The following COL16A1 variants were observed in gnomAD, a reference collection of about 807,000 sequenced individuals.
COL16A1 encodes collagen alpha-1(XVI) chain.
In COL16A1, 189 loss-of-function variants were observed where a neutral mutation model predicts 266.3. The ratio of observed to expected loss-of-function variants is 0.71; its 90% CI spans 0.63 to 0.80. The LOEUF is 0.80. COL16A1 is among the 30% of genes least tolerant of loss of function. COL16A1 has a pLI of 0.00. For synonymous variants in COL16A1, 740 were observed against 782.3 expected, an observed-to-expected ratio of 0.95 and a Z score of 0.90; for missense variants, 1,928 against 2,122.4, an observed-to-expected ratio of 0.91 and a Z score of 1.80.
chr1:31,663,884 GCATTCT>G lies in COL16A1; in HGVS notation c.3556-1232_3556-1227del, dbSNP rs1641898858. ...AAGCAGCATAGCGGGGAAGGTGGCT[GCATTCT>G]CCCAGTGTGGAGAGGGTGGCTGCCC... is the stretch of plus-strand genomic sequence containing the variant. On this transcript the variant is annotated intron_variant, in intron 56 of 70. Coordinates refer to ENST00000373672, the MANE Select transcript of COL16A1 (RefSeq NM_001856.4). This position sits in a 1 kb window ranked among gnomAD's most constrained non-coding sequence, Gnocchi z 4.9. 1.3e-5 allele frequency among the ~76,000 whole-genome samples: 2 copies of G among 152,288 alleles called. No homozygotes were observed. The highest frequency in any genetic ancestry group is 4.1e-4 in the South Asian group (2 of 4,824).
intron 8 of COL16A1, 97 bp downstream of exon 8, chr1:31,696,866 G>A: frequency 6.3e-7 from 1 of 1,579,690 alleles, no homozygotes; most frequent in Non-Finnish European, 8.6e-7. Context: ...CTGGGCCCAT[G>A]GCCAACTGAC....
rs771218539 is a variant in COL16A1 at position 31,697,991 on chromosome 1, G to C, written c.572C>G (p.Ser191Cys). 6.2e-7 allele frequency: 1 copy of C among 1,613,512 alleles called. No homozygotes were observed. The highest frequency in any genetic ancestry group is 8.5e-7 in the Non-Finnish European group (1 of 1,180,032). Residue 191 changes from serine (S) to cysteine (C), a missense_variant, in exon 6 of 71, where the codon TCC becomes TGC. Transcript: ENST00000373672. This position sits in a 1 kb window ranked among gnomAD's most constrained non-coding sequence, Gnocchi z 4.2. Reference protein sequence around the residue: ...SVHVDCSSASSQPLGPRRPMR... With the variant: ...SVHVDCSSASCQPLGPRRPMR... ...GGGTCGTCGGGGCCCCAGAGGCTGG[G>C]AGGAGGCTGAGCTGCAGTCCACGTG...
intron 16 of COL16A1, 110 bp downstream of exon 16, chr1:31,692,364 T>A: frequency 1.4e-6 from 2 of 1,477,206 alleles, no homozygotes; most frequent in Non-Finnish European, 1.8e-6. Flanking sequence ...TCCTGCCAGC[T>A]CTGTGCCCAC....
At chr1:31,681,169 G>A (rs143575797) in intron 37 of COL16A1, 102 bp from the exon 38 acceptor site, 21 of 1,463,428 alleles carry the variant, frequency 1.4e-5, no homozygotes, top group South Asian at 1.3e-4. Flanking sequence ...GCAGCGCCAG[G>A]TTCCCCTGGA....
At position 31,688,460 on chromosome 1, in the gene COL16A1, G is replaced by A. The variant is rs1318591269; in HGVS notation, c.1803+7C>T. 3.7e-6 allele frequency: 6 copies of A among 1,613,840 alleles called. No individual in the cohort carries two copies. The highest frequency in any genetic ancestry group is 5.1e-6 in the Non-Finnish European group (6 of 1,180,006). ...CCAGTGTCCCTGACATCTAACCCAG[G>A]TCTCACCTTCTCTCCTTTCAGCCCT... On this transcript the variant is annotated splice_region_variant and intron_variant, in intron 26 of 70. Coordinates refer to ENST00000373672, the MANE Select transcript of COL16A1 (RefSeq NM_001856.4). This position sits in a 1 kb window ranked among gnomAD's most constrained non-coding sequence, Gnocchi z 4.9.
At position 31,685,640 on chromosome 1, in the gene COL16A1, T is replaced by C; in HGVS notation, c.2015A>G (p.Gln672Arg). 1 of 1,610,448 alleles carries C rather than the reference T, an allele frequency of 6.2e-7. No individual in the cohort carries two copies. Among genetic ancestry groups the C allele is most frequent in the South Asian group, 1.1e-5 (1 of 90,992 alleles). The change falls in exon 29 of 71, where the codon CAG becomes CGG. Residue 672 changes from glutamine to arginine, a missense_variant and splice_region_variant. Transcript: ENST00000373672. The surrounding 1 kb of genome is among the most constrained non-coding windows in gnomAD (Gnocchi z 4.0). ...GCCCCTGCCTATATCCCACCTCACC[T>C]GTTTTCCTGGCAAGCCAAAGCCTGG... ...GPPGFGLPGK[Q>R]GKAGERGLKG...
At chr1:31,690,323 G>C (rs1241438171) in intron 22 of COL16A1, 44 bp downstream of exon 22, 1 of 1,611,954 alleles carries the variant, frequency 6.2e-7, no homozygotes, top group African/African-American at 1.3e-5. Flanking sequence ...CAGAAAGGGG[G>C]TCCCGTTCCC....
chr1:31,666,499 G>T (rs1204572423), intron 52 of COL16A1: 1 of 239,284 alleles, frequency 4.2e-6, no homozygotes, highest in Non-Finnish European at 8.1e-6. Context: ...CTCATCTTCC[G>T]CCTTGCTCAG....
chr1:31,696,049 T>G (rs1434523696), intron 9 of COL16A1, 39 bp downstream of exon 9: 1 of 1,568,350 alleles, frequency 6.4e-7, no homozygotes, highest in Non-Finnish European at 8.8e-7. Context: ...GAGGGCAGAC[T>G]GAGGGCAGGT....
chr1:31,667,533 C>T (rs1273828181), intron 52 of COL16A1, 42 bp downstream of exon 52: 5 of 1,532,448 alleles, frequency 3.3e-6, no homozygotes, highest in Non-Finnish European at 2.7e-6. Context: ...TGTGTGGCTC[C>T]ACGTGCAGCC....
intron 33 of COL16A1, 75 bp from the exon 34 acceptor site, chr1:31,683,823 C>T (rs1248235760): frequency 4.7e-5 from 76 of 1,610,134 alleles, no homozygotes; most frequent in Admixed American, 8.4e-5. Flanking sequence ...GCCCCTTCTC[C>T]TCCAGCTTCT....
intron 49 of COL16A1, chr1:31,669,734 A>G (rs7525091): frequency 0.98 from 148,849 of 152,312 alleles, 72,833 homozygotes; most frequent in East Asian, 1. Flanking sequence ...CCAGGAACAC[A>G]AAACCTGACA....
In COL16A1 at chr1:31,699,870, T is replaced by A. The variant is rs1056558666; in HGVS notation, c.209A>T (p.Asn70Ile). Reference sequence around the variant, plus strand: ...GCGCAGGATGAGAGGCCCCTTGGGGTTGCGGATCTTCTTGATGGCAGACGT... The same window carrying A: ...GCGCAGGATGAGAGGCCCCTTGGGGATGCGGATCTTCTTGATGGCAGACGT... The part of the protein sequence containing the change: ...MKTSAIKKIR[N>I]PKGPLILRLG... Residue 70 changes from asparagine (N) to isoleucine (I), a missense_variant, in exon 4 of 71, where the codon AAC (asparagine) becomes ATC (isoleucine). Coordinates refer to ENST00000373672, the MANE Select transcript of COL16A1 (RefSeq NM_001856.4). The A allele has an allele frequency of 3.7e-6, 6 of 1,613,886 alleles. No homozygotes were observed. The highest frequency in any genetic ancestry group is 5.1e-6 in the Non-Finnish European group (6 of 1,179,982).
Position 31,686,150 on chromosome 1 carries a change from G to A in COL16A1, c.1840-15C>T, listed in dbSNP as rs543526932. ...CCTGGTGGCCCCTGCATGTTAAGAC[G>A]CTACAGGTAATGCCCAGCATCTGCC... On this transcript the variant is annotated splice_polypyrimidine_tract_variant and intron_variant, in intron 27 of 70. Transcript: ENST00000373672. 1.8e-5 allele frequency: 29 copies of A among 1,613,888 alleles called. No homozygotes were observed. The South Asian group carries it at 1.9e-4, about 10-fold the overall frequency.
intron 70 of COL16A1, 32 bp downstream of exon 70, chr1:31,653,567 G>T: frequency 5.0e-6 from 8 of 1,605,908 alleles, no homozygotes; most frequent in Non-Finnish European, 6.8e-6. Context: ...TGCTGCTCTG[G>T]ATTCATGGTC....
At position 31,657,179 on chromosome 1, in the gene COL16A1, G is replaced by A. The variant is rs1433894272; in HGVS notation, c.4021-111C>T. The A allele has an allele frequency of 1.2e-5, 16 of 1,346,336 alleles. No homozygotes were observed. The highest frequency in any genetic ancestry group is 7.1e-5 in the South Asian group (6 of 85,052). The allele number at this position is 1,346,336 out of a possible 1,614,324, so 83.4% of individuals were successfully genotyped here. Reference sequence around the variant, plus strand: ...GCCCCCTGTTCCACCCAGAGGCCACGATCCTCCAGCCCTCACCCTCTGACA... The same window carrying A: ...GCCCCCTGTTCCACCCAGAGGCCACAATCCTCCAGCCCTCACCCTCTGACA... On this transcript the variant is annotated intron_variant, in intron 64 of 70. Transcript: ENST00000373672. This position sits in a 1 kb window ranked among gnomAD's most constrained non-coding sequence, Gnocchi z 6.4.
chr1:31,678,693 A>G (rs529084821), intron 42 of COL16A1, among the ~76,000 whole-genome samples: 1 of 152,118 alleles, frequency 6.6e-6, no homozygotes, highest in Non-Finnish European at 1.5e-5. Context: ...TCATGGGTAC[A>G]ATTCTATACC....
At chr1:31,669,005 T>A in intron 49 of COL16A1, 150 bp from the exon 50 acceptor site, 1 of 673,856 alleles carries the variant, frequency 1.5e-6, no homozygotes, top group Non-Finnish European at 2.5e-6. Context: ...AGGTGACCCG[T>A]AATGGGTGTG....
chr1:31,653,791 C>A, intron 69 of COL16A1, 76 bp downstream of exon 69: 2 of 1,572,990 alleles, frequency 1.3e-6, no homozygotes, highest in East Asian at 2.3e-5. Context: ...CCCATATTCA[C>A]AACAGACCTC....
Sources: allele counts gnomAD v4.1 joint callset (sites outside exome capture counted in the v4.1 genomes callset), GRCh38; gene constraint gnomAD v4.1.1; non-coding constraint Gnocchi (gnomAD v3.1); transcripts MANE v1.5; gene names NCBI Gene and HGNC (gene_info 2026-07-23, HGNC 2026-07-21).